COL8A1: variants seen among roughly 807,000 people sequenced by gnomAD.
The protein encoded by COL8A1 is collagen alpha-1(VIII) chain.
In COL8A1, 21 loss-of-function variants were observed where a neutral mutation model predicts 42.7. The observed-to-expected ratio is 0.49, with a 90% CI of 0.35 to 0.71. The LOEUF (loss-of-function observed/expected upper bound fraction) is 0.71, where lower values mean the gene tolerates loss of function less well. Ranked by LOEUF, COL8A1 falls within the 30% of genes least tolerant of loss-of-function variation. COL8A1 has a pLI of 0.01. For missense variants in COL8A1, 788 were observed against 962.4 expected (o/e 0.82, Z 2.40); for synonymous variants, 367 against 369.1 (o/e 0.99, Z 0.06).
chr3:99,656,289 T>C (rs1437930823), intron 1 of COL8A1, among the ~76,000 whole-genome samples: 12 of 152,160 alleles, frequency 7.9e-5, no homozygotes, highest in Non-Finnish European at 7.4e-5. Context: ...TTATATGAAA[T>C]AGAATTCCTG....
intron 1 of COL8A1, among the ~76,000 whole-genome samples, chr3:99,698,683 G>A (rs896950934): frequency 6.6e-6 from 1 of 152,150 alleles, no homozygotes; most frequent in Non-Finnish European, 1.5e-5. Flanking sequence ...TAGCCCCCAG[G>A]CTCCATCACA....
intron 2 of COL8A1, among the ~76,000 whole-genome samples, chr3:99,771,555 G>GA (rs1941581127): frequency 6.6e-6 from 1 of 152,188 alleles, no homozygotes; most frequent in Non-Finnish European, 1.5e-5. Flanking sequence ...AACTCCACTT[G>GA]AAATTAATGC....
Position 99,740,016 on chromosome 3 carries a change from T to C in COL8A1, c.-128-4881T>C, listed in dbSNP as rs189619440. 3.2e-3 allele frequency among the ~76,000 whole-genome samples: 485 copies of C among 152,324 alleles called. 5 individuals are homozygous for C. Among genetic ancestry groups the C allele is most frequent in the African/African-American group, 0.011 (462 of 41,570 alleles). On this transcript the variant is annotated intron_variant, in intron 1 of 3. Coordinates refer to ENST00000652472, the MANE Select transcript of COL8A1 (RefSeq NM_020351.4). Reference sequence around the variant, plus strand: ...TAAATCATCTCTCTTAAGTTCAAAGTTCCACAAATCTCTAGGGCAGGGGCA... The same window carrying C: ...TAAATCATCTCTCTTAAGTTCAAAGCTCCACAAATCTCTAGGGCAGGGGCA...
At chr3:99,687,140 G>C (rs942941255) in intron 1 of COL8A1, among the ~76,000 whole-genome samples, 1 of 152,124 alleles carries the variant, frequency 6.6e-6, no homozygotes, top group Non-Finnish European at 1.5e-5. Context: ...CACGGCATCC[G>C]GCCTGTAACT....
At chr3:99,738,956 C>T (rs902956712) in intron 1 of COL8A1, among the ~76,000 whole-genome samples, 7 of 152,148 alleles carry the variant, frequency 4.6e-5, no homozygotes, top group Non-Finnish European at 7.3e-5. Flanking sequence ...GTCAGAAAAG[C>T]GCAGTATTTG....
At chr3:99,708,059 C>T (rs1218752813) in intron 1 of COL8A1, among the ~76,000 whole-genome samples, 1 of 152,136 alleles carries the variant, frequency 6.6e-6, no homozygotes, top group Non-Finnish European at 1.5e-5. Flanking sequence ...ACCTTCTTTG[C>T]CTCATCCTTC....
Position 99,796,097 on chromosome 3 carries a change from C to T in COL8A1, c.2196C>T (p.Val732=). ...CAGGACTGTATGCCGGGCAGTATGT[C>T]CACTCCTCCTTTTCAGGATATTTAT... ...QAAGLYAGQY[V]HSSFSGYLLY... The change falls in exon 4 of 4, where the codon GTC becomes GTT. Residue 732 remains valine, a synonymous_variant. Transcript: ENST00000652472. The T allele has an allele frequency of 6.4e-7, 1 of 1,550,528 alleles. No homozygotes were observed. Among genetic ancestry groups the T allele is most frequent in the Non-Finnish European group, 8.7e-7 (1 of 1,146,854 alleles).
At chr3:99,640,533 T>A (rs1198381225) in intron 1 of COL8A1, among the ~76,000 whole-genome samples, 1 of 152,194 alleles carries the variant, frequency 6.6e-6, no homozygotes, top group Non-Finnish European at 1.5e-5. Flanking sequence ...TTCCTAAGTT[T>A]GGGGATAAAA....
intron 1 of COL8A1, among the ~76,000 whole-genome samples, chr3:99,726,715 T>C (rs1261370776): frequency 1.3e-5 from 2 of 151,920 alleles, no homozygotes; most frequent in Admixed American, 6.6e-5. Context: ...AAAGATCAGA[T>C]AGTTGTAGAT....
At chr3:99,667,506 G>A (rs985503517) in intron 1 of COL8A1, among the ~76,000 whole-genome samples, 6 of 152,052 alleles carry the variant, frequency 3.9e-5, no homozygotes, top group African/African-American at 9.7e-5. Flanking sequence ...ATCATCTGTC[G>A]CTTACAATTA....
At chr3:99,694,072 C>T (rs1245768517) in intron 1 of COL8A1, among the ~76,000 whole-genome samples, 2 of 152,224 alleles carry the variant, frequency 1.3e-5, no homozygotes, top group East Asian at 3.8e-4. Context: ...GTGTAGTAGG[C>T]TCTACGATCT....
chr3:99,758,748 T>C (rs1941308655), intron 2 of COL8A1, among the ~76,000 whole-genome samples: 1 of 152,158 alleles, frequency 6.6e-6, no homozygotes, highest in African/African-American at 2.4e-5. Context: ...AATACTTCAC[T>C]GAAGTCTGAT....
intron 1 of COL8A1, among the ~76,000 whole-genome samples, chr3:99,689,252 T>C (rs1365643682): frequency 6.6e-6 from 1 of 152,256 alleles, no homozygotes; most frequent in Non-Finnish European, 1.5e-5. Flanking sequence ...CATGGCCTGT[T>C]CGAGTGTAGG....
intron 1 of COL8A1, 53 bp downstream of exon 1, chr3:99,638,717 A>G (rs1464194023): frequency 2.6e-5 from 4 of 152,082 alleles, no homozygotes; most frequent in Non-Finnish European, 4.4e-5. Context: ...CTATGGGGGA[A>G]TAAGTCACCC....
At chr3:99,657,909 C>A (rs1359063345) in intron 1 of COL8A1, among the ~76,000 whole-genome samples, 2 of 152,100 alleles carry the variant, frequency 1.3e-5, no homozygotes, top group African/African-American at 4.8e-5. Context: ...GCAGGCGGAT[C>A]ACAAGGTCAG....
intron 1 of COL8A1, among the ~76,000 whole-genome samples, chr3:99,742,627 G>A (rs892703813): frequency 4.6e-5 from 7 of 152,200 alleles, no homozygotes; most frequent in Non-Finnish European, 7.3e-5. Context: ...TATGTGGTAA[G>A]CACTCAATGT....
At chr3:99,683,245 T>C (rs1408458477) in intron 1 of COL8A1, among the ~76,000 whole-genome samples, 1 of 152,194 alleles carries the variant, frequency 6.6e-6, no homozygotes, top group Non-Finnish European at 1.5e-5. Context: ...TCAAAGTCTG[T>C]CCTTTGCTCC....
chr3:99,769,640 G>C (rs1378494106), intron 2 of COL8A1, among the ~76,000 whole-genome samples: 1 of 152,182 alleles, frequency 6.6e-6, no homozygotes, highest in East Asian at 1.9e-4. Flanking sequence ...GACAGATTGG[G>C]CCAGGCGCGA....
chr3:99,730,111 ATCT>A (rs1940457854), intron 1 of COL8A1, among the ~76,000 whole-genome samples: 1 of 152,118 alleles, frequency 6.6e-6, no homozygotes, highest in Admixed American at 6.6e-5. Context: ...CTCTTCACCA[ATCT>A]TCTCCTTCAA....
Sources: gnomAD v4.1 joint callset for allele counts (sites outside exome capture counted in the v4.1 genomes callset) on GRCh38, gnomAD v4.1.1 for gene constraint, MANE v1.5 for transcripts, NCBI Gene and HGNC (gene_info 2026-07-23, HGNC 2026-07-21) for gene names.